Variants in MGAT4C observed in about 807,000 individuals in gnomAD.
MGAT4C encodes MGAT4 family member C.
MGAT4C carries 19 observed loss-of-function variants against 40.1 expected under a neutral mutation model. The ratio of observed to expected loss-of-function variants is 0.47; its 90% CI spans 0.33 to 0.70. The LOEUF (loss-of-function observed/expected upper bound fraction) is 0.70. Among genes scored for constraint, MGAT4C ranks in the 30% least tolerant of loss-of-function variants. The pLI is 0.02. For synonymous variants in MGAT4C, 181 were observed against 187.1 expected (o/e 0.97, Z 0.27); for missense variants, 491 against 563.2 (o/e 0.87, Z 1.30).
At chr12:86,574,136 T>C (rs1192086655) in intron 2 of MGAT4C, among the ~76,000 whole-genome samples, 1 of 151,804 alleles carries the variant, frequency 6.6e-6, no homozygotes, top group African/African-American at 2.4e-5. Context: ...TTTCTTTCTT[T>C]CTTTTCTCAG....
chr12:85,960,982 T>A lies in MGAT4C; in HGVS notation c.*18307A>T, dbSNP rs572338194. 6.6e-6 allele frequency: 1 copy of A among 152,100 alleles called. No homozygotes were observed. The highest frequency in any genetic ancestry group is 2.1e-4 in the South Asian group (1 of 4,832). 9.4% of individuals were successfully genotyped at this position (152,100 alleles called of 1,614,324 possible). On this transcript the variant is annotated 3_prime_UTR_variant, in exon 5 of 5. Transcript: ENST00000611864. Reference sequence around the variant, plus strand: ...CACTATGCATTTTTAAACAAGACAGTCAACTTACTATTTAAAAAACAAAGT... The same window carrying A: ...CACTATGCATTTTTAAACAAGACAGACAACTTACTATTTAAAAAACAAAGT...
chr12:85,992,963 T>C (rs933622717), intron 2 of MGAT4C, among the ~76,000 whole-genome samples: 4 of 152,212 alleles, frequency 2.6e-5, no homozygotes, highest in African/African-American at 9.6e-5. Flanking sequence ...CAACCCCCTT[T>C]GCTCTTCCCT....
intron 1 of MGAT4C, among the ~76,000 whole-genome samples, chr12:86,799,082 A>T (rs866361908): frequency 7.9e-5 from 12 of 151,842 alleles, no homozygotes; most frequent in African/African-American, 2.7e-4. Flanking sequence ...AATTCAGCAT[A>T]CAAAAATCAA....
intron 1 of MGAT4C, among the ~76,000 whole-genome samples, chr12:86,820,406 G>C (rs944533813): frequency 1.3e-5 from 2 of 150,726 alleles, no homozygotes; most frequent in Non-Finnish European, 3.0e-5. Context: ...GTTGGAATTT[G>C]ACACCATCAA....
chr12:86,360,957 G>A (rs1279323870), intron 3 of MGAT4C, among the ~76,000 whole-genome samples: 1 of 152,196 alleles, frequency 6.6e-6, no homozygotes, highest in African/African-American at 2.4e-5. Flanking sequence ...AGCTACTGAT[G>A]ACTTTCTTCA....
intron 1 of MGAT4C, among the ~76,000 whole-genome samples, chr12:86,098,469 C>T (rs922109320): frequency 1.3e-5 from 2 of 151,574 alleles, no homozygotes; most frequent in African/African-American, 4.8e-5. Flanking sequence ...ATGCTGGCAC[C>T]ATCATATATT....
chr12:86,123,249 A>G (rs1879721699), intron 1 of MGAT4C, among the ~76,000 whole-genome samples: 1 of 152,148 alleles, frequency 6.6e-6, no homozygotes, highest in Non-Finnish European at 1.5e-5. Context: ...AAGTTTAGTC[A>G]GAGATGATTG....
At chr12:86,517,969 G>A (rs993181537) in intron 2 of MGAT4C, among the ~76,000 whole-genome samples, 2 of 152,002 alleles carry the variant, frequency 1.3e-5, no homozygotes, top group Non-Finnish European at 2.9e-5. Context: ...TTTTTATGGT[G>A]GTGAGACAGT....
At chr12:86,096,644 C>T (rs576443002) in intron 1 of MGAT4C, among the ~76,000 whole-genome samples, 4 of 151,034 alleles carry the variant, frequency 2.6e-5, no homozygotes, top group Admixed American at 6.6e-5. Context: ...TTCTGATTTA[C>T]GTTGTTCTTT....
intron 2 of MGAT4C, among the ~76,000 whole-genome samples, chr12:86,553,888 T>C (rs1959483412): frequency 6.6e-6 from 1 of 152,160 alleles, no homozygotes; most frequent in Non-Finnish European, 1.5e-5. Context: ...ATTGAGAAAG[T>C]CAGAAATTTC....
chr12:86,656,317 AT>A (rs1963849753), intron 2 of MGAT4C, among the ~76,000 whole-genome samples: 1 of 152,058 alleles, frequency 6.6e-6, no homozygotes, highest in African/African-American at 2.4e-5. Flanking sequence ...ATATTTAACA[AT>A]AAAAACATTT....
chr12:86,436,458 T>C (rs1206158260), intron 2 of MGAT4C, among the ~76,000 whole-genome samples: 1 of 151,766 alleles, frequency 6.6e-6, no homozygotes, highest in African/African-American at 2.4e-5. Flanking sequence ...ACTGTTTTTT[T>C]AATAGTTTGT....
chr12:86,559,854 A>G (rs1056303579), intron 2 of MGAT4C, among the ~76,000 whole-genome samples: 21 of 152,068 alleles, frequency 1.4e-4, no homozygotes, highest in African/African-American at 4.6e-4. Context: ...AGTGAAATAA[A>G]TAGTTGTTGT....
At chr12:86,446,786 C>T (rs1957348875) in intron 2 of MGAT4C, among the ~76,000 whole-genome samples, 1 of 147,226 alleles carries the variant, frequency 6.8e-6, no homozygotes, top group Non-Finnish European at 1.5e-5. Flanking sequence ...TTTGGGCAAG[C>T]TGCATACTAT....
chr12:86,138,610 G>A (rs997331320), intron 1 of MGAT4C, among the ~76,000 whole-genome samples: 1 of 130,200 alleles, frequency 7.7e-6, no homozygotes, highest in African/African-American at 2.9e-5. Flanking sequence ...TATTTCCATA[G>A]ATATATCATA....
intron 2 of MGAT4C, among the ~76,000 whole-genome samples, chr12:86,010,540 T>C (rs552187328): frequency 6.6e-6 from 1 of 152,274 alleles, no homozygotes; most frequent in African/African-American, 2.4e-5. Context: ...TAGCCATGCG[T>C]GGTGGTGCAC....
chr12:85,999,581 G>GTA lies in MGAT4C; in HGVS notation c.-6-10030_-6-10029insTA, dbSNP rs1158075465. ...GTAAAGAAAATGTGTGTGTGTGTGTGTGTATATATATATATATATATATAT... is the reference window on the plus strand; with the variant it reads ...GTAAAGAAAATGTGTGTGTGTGTGTGTATGTATATATATATATATATATATAT... On this transcript the variant is annotated intron_variant, in intron 2 of 4. Coordinates refer to ENST00000611864, the MANE Select transcript of MGAT4C (RefSeq NM_001351288.2). Among the ~76,000 whole-genome samples, 10 of 116,806 alleles carry GTA rather than the reference G, an allele frequency of 8.6e-5. No individual in the cohort carries two copies. In the South Asian group the frequency reaches 1.1e-3, roughly 12 times the overall value. 76.6% of individuals were successfully genotyped at this position (116,806 alleles called of 152,430 possible). A position where few individuals can be genotyped will look rare whatever the true frequency, so the allele number is the denominator to read the frequency against.
chr12:86,435,306 T>C (rs1957117405), intron 2 of MGAT4C: 1 of 151,926 alleles, frequency 6.6e-6, no homozygotes, highest in African/African-American at 2.4e-5. Context: ...AAAAAAGTGT[T>C]GTAAACATTC....
At chr12:86,805,403 T>C (rs370428952) in intron 1 of MGAT4C, among the ~76,000 whole-genome samples, 9 of 152,098 alleles carry the variant, frequency 5.9e-5, no homozygotes, top group South Asian at 2.1e-4. Flanking sequence ...GTTTGTATTC[T>C]TGCCACCTTT....
Sources: gnomAD v4.1 joint callset for allele counts (sites outside exome capture counted in the v4.1 genomes callset) on GRCh38, gnomAD v4.1.1 for gene constraint, MANE v1.5 for transcripts, NCBI Gene and HGNC (gene_info 2026-07-23, HGNC 2026-07-21) for gene names.